Variants in RDX observed in about 807,000 individuals in gnomAD.
The protein encoded by RDX is deafness, autosomal recessive 24.
Under a neutral mutation model 83.7 loss-of-function variants are expected in RDX, and 32 were observed. The ratio of observed to expected loss-of-function variants is 0.38; its 90% CI spans 0.29 to 0.51. RDX has a LOEUF of 0.51. RDX is among the 20% of genes least tolerant of loss of function. The pLI is 0.87. For missense variants in RDX, 600 were observed against 689.9 expected (o/e 0.87, Z 1.46); for synonymous variants, 229 against 222.7 (o/e 1.03, Z -0.25).
intron 1 of RDX, among the ~76,000 whole-genome samples, chr11:110,280,620 T>C (rs1860722004): frequency 6.6e-6 from 1 of 152,232 alleles, no homozygotes; most frequent in Non-Finnish European, 1.5e-5. Flanking sequence ...CCAATGTGTA[T>C]GAAACAGGCA....
chr11:110,293,020 TAC>T (rs1861306898), intron 1 of RDX, among the ~76,000 whole-genome samples: 1 of 152,210 alleles, frequency 6.6e-6, no homozygotes, highest in Admixed American at 6.5e-5. Context: ...AATTTGCACA[TAC>T]ACACACTTGA....
intron 4 of RDX, 133 bp from the exon 5 acceptor site, chr11:110,264,367 T>C (rs957622500): frequency 1.2e-5 from 8 of 664,968 alleles, no homozygotes; most frequent in African/African-American, 9.1e-5. Context: ...TAGTGTGTAA[T>C]AGTCTAAATC....
intron 1 of RDX, among the ~76,000 whole-genome samples, chr11:110,290,267 G>A (rs1000654667): frequency 6.6e-6 from 1 of 152,148 alleles, no homozygotes; most frequent in Non-Finnish European, 1.5e-5. Flanking sequence ...GCTCACGCCT[G>A]TAATCCCAGC....
At chr11:110,188,923 T>A (rs1863043095) in intron 15 of RDX, among the ~76,000 whole-genome samples, 1 of 152,138 alleles carries the variant, frequency 6.6e-6, no homozygotes, top group African/African-American at 2.4e-5. Flanking sequence ...TCACAGACCC[T>A]ATAAAGCAAC....
chr11:110,292,864 G>A (rs1220693590), intron 1 of RDX, among the ~76,000 whole-genome samples: 2 of 152,144 alleles, frequency 1.3e-5, no homozygotes, highest in African/African-American at 2.4e-5. Flanking sequence ...TTTGTAAAGA[G>A]CAAGATGTGG....
chr11:110,228,087 T>C (rs1399706424), downstream of RDX, among the ~76,000 whole-genome samples: 1 of 152,082 alleles, frequency 6.6e-6, no homozygotes, highest in Non-Finnish European at 1.5e-5. Flanking sequence ...AGTTCTTATA[T>C]CTTGATACAT....
chr11:110,175,179 AAGG>A, exon 16 of RDX: 1 of 152,234 alleles, frequency 6.6e-6, no homozygotes, highest in African/African-American at 2.4e-5. Flanking sequence ...TCTGTGTCCA[AAGG>A]AGGTTATTTC....
chr11:110,197,501 CTCTT>C (rs1319472786), intron 15 of RDX, among the ~76,000 whole-genome samples: 16 of 152,350 alleles, frequency 1.1e-4, no homozygotes, highest in African/African-American at 3.8e-4. Context: ...AATTCAAAAT[CTCTT>C]TCTGTCATTT....
At chr11:110,264,977 C>T (rs914772303) in intron 3 of RDX, 103 bp from the exon 4 acceptor site, 16 of 738,112 alleles carry the variant, frequency 2.2e-5, no homozygotes, top group African/African-American at 8.8e-5. Flanking sequence ...TGTAAGTATA[C>T]GTATATTCCT....
At position 110,247,798 on chromosome 11, in the gene RDX, A is replaced by G. The variant is rs533107164; in HGVS notation, c.995T>C (p.Ile332Thr). ...QLENEKKKRE[I>T]AEKEKERIER... ...TATTCTTTCCTTTTCCTTTTCTGCTATTTCTCTTTTCTTCTTTTCATTCTC... is the reference window on the plus strand; with the variant it reads ...TATTCTTTCCTTTTCCTTTTCTGCTGTTTCTCTTTTCTTCTTTTCATTCTC... Residue 332 changes from isoleucine (I) to threonine (T), a missense_variant, in exon 10 of 14, where the codon ATA becomes ACA. Transcript: ENST00000645495. 166 of 1,590,720 alleles carry G rather than the reference A, an allele frequency of 1.0e-4. 1 individual carries two copies. The South Asian group carries it at 1.1e-3, about 10-fold the overall frequency.
intron 1 of RDX, among the ~76,000 whole-genome samples, chr11:110,295,817 T>C (rs558741983): frequency 6.6e-6 from 1 of 152,322 alleles, no homozygotes; most frequent in Admixed American, 6.5e-5. Flanking sequence ...CTCCGAGAGC[T>C]GCAACAGCAG....
At chr11:110,201,566 A>G (rs978690727) in intron 14 of RDX, among the ~76,000 whole-genome samples, 1 of 152,212 alleles carries the variant, frequency 6.6e-6, no homozygotes, top group Non-Finnish European at 1.5e-5. Context: ...GGCAGCAGCA[A>G]CTGAAGGGTA....
At chr11:110,182,240 C>T (rs1002809996) in intron 15 of RDX, among the ~76,000 whole-genome samples, 8 of 152,220 alleles carry the variant, frequency 5.3e-5, no homozygotes, top group African/African-American at 9.6e-5. Context: ...AGGGCAGAGA[C>T]GCCTTCCAGC....
At position 110,233,170 on chromosome 11, in the gene RDX, G is replaced by A. The variant is rs531579131; in HGVS notation, c.1587+67C>T. 8.2e-6 allele frequency: 13 copies of A among 1,591,312 alleles called. No individual in the cohort carries two copies. In the African/African-American group the frequency reaches 1.3e-4, roughly 16 times the overall value. ...AAACTTCTATATTCTTTTTAACTAA[G>A]TTTGTCTAAGATGGGGAAAATGCAA... On this transcript the variant is annotated intron_variant, in intron 13 of 13. Coordinates refer to ENST00000645495, the MANE Select transcript of RDX (RefSeq NM_002906.4).
chr11:110,275,231 T>G (rs1860464758), intron 2 of RDX, among the ~76,000 whole-genome samples: 1 of 152,214 alleles, frequency 6.6e-6, no homozygotes, highest in African/African-American at 2.4e-5. Flanking sequence ...CATGATTATG[T>G]TGCATTACAT....
intron 15 of RDX, among the ~76,000 whole-genome samples, chr11:110,189,250 A>T (rs930540744): frequency 3.7e-4 from 49 of 132,946 alleles, no homozygotes; most frequent in African/African-American, 1.5e-3. Flanking sequence ...AGGTAAAAAA[A>T]AAAAAAAAAA....
At chr11:110,256,800 C>T (rs1405052711) in intron 7 of RDX, among the ~76,000 whole-genome samples, 1 of 152,188 alleles carries the variant, frequency 6.6e-6, no homozygotes, top group Non-Finnish European at 1.5e-5. Context: ...ATATAACCTT[C>T]TAACTTGCTT....
chr11:110,248,037 G>A (rs531055146), intron 9 of RDX, among the ~76,000 whole-genome samples: 1 of 152,258 alleles, frequency 6.6e-6, no homozygotes, highest in African/African-American at 2.4e-5. Context: ...TAAGCTATGA[G>A]GATGCAAAGA....
chr11:110,238,002 G>T, intron 10 of RDX: 1 of 236,124 alleles, frequency 4.2e-6, no homozygotes, highest in Non-Finnish European at 8.6e-6. Flanking sequence ...ATGTAAAAAG[G>T]CTACAAGCAC....
Sources: allele counts gnomAD v4.1 joint callset (sites outside exome capture counted in the v4.1 genomes callset), GRCh38; gene constraint gnomAD v4.1.1; transcripts MANE v1.5; gene names NCBI Gene and HGNC (gene_info 2026-07-23, HGNC 2026-07-21).